The following LCOR variants were observed in gnomAD, a reference collection of about 807,000 sequenced individuals.
The protein encoded by LCOR is ligand-dependent corepressor.
Under a neutral mutation model 64.4 loss-of-function variants are expected in LCOR, and 14 were observed. The observed-to-expected ratio is 0.22, with a 90% CI of 0.14 to 0.34. The LOEUF (loss-of-function observed/expected upper bound fraction) is 0.34, where lower values mean the gene tolerates loss of function less well. Among genes scored for constraint, LCOR ranks in the 10% least tolerant of loss-of-function variants. LCOR has a pLI of 1.00. For synonymous variants in LCOR, 643 were observed against 642.5 expected, an observed-to-expected ratio of 1.00 and a Z score of -0.01; for missense variants, 1,686 against 1,765.3, an observed-to-expected ratio of 0.96 and a Z score of 0.80.
At chr10:96,948,827 TAAA>T (rs869052041) in intron 5 of LCOR, among the ~76,000 whole-genome samples, 178 bp from the exon 6 acceptor site, 2 of 152,096 alleles carry the variant, frequency 1.3e-5, no homozygotes, top group Admixed American at 6.5e-5. Context: ...ATTATTTTAA[TAAA>T]AATTTTATTT....
intron 2 of LCOR, among the ~76,000 whole-genome samples, chr10:96,882,303 A>C (rs536752775): frequency 1.3e-5 from 2 of 152,322 alleles, no homozygotes; most frequent in South Asian, 4.1e-4. Context: ...GAAGTATGTC[A>C]CGAAAATCCA....
rs1589602481 is a variant in LCOR at position 96,847,368 on chromosome 10, A to C, written c.-330+13889A>C. Among the ~76,000 whole-genome samples, 4 of 151,496 alleles carry C rather than the reference A, an allele frequency of 2.6e-5. No individual in the cohort carries two copies. In the South Asian group the frequency reaches 8.3e-4, roughly 31 times the overall value. On this transcript the variant is annotated intron_variant, in intron 2 of 7. Coordinates refer to ENST00000421806, the MANE Select transcript of LCOR (RefSeq NM_001346516.2). ...TTTTCAAAAAAAAAAAAAAAAGCACACGGTAACAGTCCTGAATGAGTTATT... is the reference window on the plus strand; with the variant it reads ...TTTTCAAAAAAAAAAAAAAAAGCACCCGGTAACAGTCCTGAATGAGTTATT...
At chr10:96,957,652 A>AG in intron 7 of LCOR, 1 of 985,428 alleles carries the variant, frequency 1.0e-6, no homozygotes, top group Non-Finnish European at 1.2e-6. Context: ...GGGGAGGTCC[A>AG]GATATTTCCA....
At chr10:96,901,104 G>A (rs538292877) in intron 2 of LCOR, among the ~76,000 whole-genome samples, 76 of 152,052 alleles carry the variant, frequency 5.0e-4, no homozygotes, top group African/African-American at 1.6e-3. Flanking sequence ...CAGCAGAATG[G>A]CATGAACCCG....
chr10:96,850,009 A>C (rs1442656581), intron 2 of LCOR, among the ~76,000 whole-genome samples: 4 of 152,182 alleles, frequency 2.6e-5, no homozygotes, highest in Non-Finnish European at 5.9e-5. Context: ...GCTGTTGGAA[A>C]AACTGACAGT....
chr10:96,917,475 G>A (rs751402657), intron 4 of LCOR, among the ~76,000 whole-genome samples: 4 of 152,178 alleles, frequency 2.6e-5, no homozygotes, highest in African/African-American at 4.8e-5. Context: ...CCCATATGTA[G>A]TATTTTAGAG....
intron 2 of LCOR, among the ~76,000 whole-genome samples, chr10:96,880,016 T>C (rs1046465527): frequency 6.6e-6 from 1 of 152,216 alleles, no homozygotes; most frequent in Middle Eastern, 3.2e-3. Context: ...CAAGAAGTAT[T>C]GGTTTGGGAT....
At position 96,983,168 on chromosome 10, in the gene LCOR, G is replaced by T; in HGVS notation, c.2708G>T (p.Gly903Val). ...SEKDAEQEGEGGGIITRQTLK... is the reference protein window; with the variant it reads ...SEKDAEQEGEVGGIITRQTLK... ...AAAGATGCTGAGCAGGAGGGCGAAG[G>T]CGGGGGGATCATCACCAGGCAGACT... is the stretch of plus-strand genomic sequence containing the variant. The change falls in exon 8 of 8, where the codon GGC (glycine) becomes GTC (valine). Residue 903 changes from glycine to valine, a missense_variant. Physicochemically the swap from Gly to Val is moderately radical, Grantham distance 109. This residue lies in a region of LCOR where 1,293 missense variants were observed against 1,410.4 expected (regional missense o/e 0.92). Transcript: ENST00000421806. The surrounding 1 kb of genome is among the most constrained non-coding windows in gnomAD (Gnocchi z 4.5). 1 of 1,614,148 alleles carries T rather than the reference G, an allele frequency of 6.2e-7. No homozygotes were observed. Among genetic ancestry groups the T allele is most frequent in the Non-Finnish European group, 8.5e-7 (1 of 1,180,044 alleles).
chr10:96,860,882 C>G (rs1256271652), intron 2 of LCOR, among the ~76,000 whole-genome samples: 1 of 152,136 alleles, frequency 6.6e-6, no homozygotes, highest in African/African-American at 2.4e-5. Flanking sequence ...AAGTGAAACG[C>G]CTACAGTAAA....
chr10:96,980,766 A>T (rs1848076811), intron 7 of LCOR, 27 bp from the exon 8 acceptor site: 2 of 653,816 alleles, frequency 3.1e-6, no homozygotes, highest in Non-Finnish European at 5.5e-6. Flanking sequence ...GACAATACTA[A>T]TTCCTTCTTT....
At chr10:96,878,455 G>A (rs1409029860) in intron 2 of LCOR, among the ~76,000 whole-genome samples, 2 of 152,158 alleles carry the variant, frequency 1.3e-5, no homozygotes, top group Non-Finnish European at 2.9e-5. Flanking sequence ...AATGTGGAAA[G>A]TAAGAAGAGA....
chr10:96,935,488 A>G (rs1847334936), intron 4 of LCOR, among the ~76,000 whole-genome samples: 1 of 152,076 alleles, frequency 6.6e-6, no homozygotes, highest in South Asian at 2.1e-4. Flanking sequence ...GTTGTATGTC[A>G]TACAAACTTT....
At chr10:96,911,289 G>T (rs1189435444) in intron 4 of LCOR, among the ~76,000 whole-genome samples, 1 of 151,790 alleles carries the variant, frequency 6.6e-6, no homozygotes, top group African/African-American at 2.4e-5. Flanking sequence ...GTAGAGACAG[G>T]GTTTTACCGT....
intron 4 of LCOR, among the ~76,000 whole-genome samples, chr10:96,941,799 A>G: frequency 7.4e-6 from 1 of 135,734 alleles, no homozygotes; most frequent in African/African-American, 2.7e-5. Context: ...CTCACATCCC[A>G]GACAGGGCGG....
At chr10:96,850,176 A>T (rs1331184601) in intron 2 of LCOR, among the ~76,000 whole-genome samples, 1 of 152,156 alleles carries the variant, frequency 6.6e-6, no homozygotes, top group Admixed American at 6.5e-5. Flanking sequence ...GCTGAAAATG[A>T]CCTTGATTAG....
chr10:96,887,393 C>G (rs943971022), intron 2 of LCOR, among the ~76,000 whole-genome samples: 7 of 151,966 alleles, frequency 4.6e-5, no homozygotes, highest in Non-Finnish European at 8.8e-5. Flanking sequence ...GAAACCCCGT[C>G]TCTACTAAAA....
chr10:96,955,967 A>G, intron 7 of LCOR: 1 of 1,561,806 alleles, frequency 6.4e-7, no homozygotes, highest in Non-Finnish European at 8.6e-7. Flanking sequence ...GGTGAGCACT[A>G]CTGCATCATT....
rs962538525 is a variant in LCOR, at chr10:96,988,077, G to A, written c.*2943G>A. 4 of 152,290 alleles carry A rather than the reference G, an allele frequency of 2.6e-5. No homozygotes were observed. The highest frequency in any genetic ancestry group is 9.7e-5 in the African/African-American group (4 of 41,450). 9.4% of individuals were successfully genotyped at this position (152,290 alleles called of 1,614,324 possible). ...GGAGAAGCTGGAAGATGCCTGGGAA[G>A]CAATCACTGAAGCTCTGCCATAGCT... On this transcript the variant is annotated 3_prime_UTR_variant, in exon 8 of 8. Transcript: ENST00000421806.
chr10:96,849,215 C>G (rs1470056968), intron 2 of LCOR, among the ~76,000 whole-genome samples: 3 of 151,760 alleles, frequency 2.0e-5, no homozygotes, highest in Non-Finnish European at 4.4e-5. Flanking sequence ...CTGGGACTTA[C>G]AGGTGTGCAC....
Sources: allele counts gnomAD v4.1 joint callset (sites outside exome capture counted in the v4.1 genomes callset), GRCh38; gene constraint gnomAD v4.1.1; regional missense constraint gnomAD v4.1.1; non-coding constraint Gnocchi (gnomAD v3.1); transcripts MANE v1.5; gene names NCBI Gene and HGNC (gene_info 2026-07-23, HGNC 2026-07-21).